Variants in SYCP2L observed in about 807,000 individuals in gnomAD.
SYCP2L encodes synaptonemal complex protein 2-like.
A neutral mutation model predicts 125.8 loss-of-function variants in SYCP2L; 98 were observed. The observed-to-expected ratio is 0.78, with a 90% CI of 0.66 to 0.92. The LOEUF is 0.92. Ranked by LOEUF, SYCP2L falls within the 40% of genes least tolerant of loss-of-function variation. SYCP2L has a pLI of 0.00. For synonymous variants in SYCP2L, 317 were observed against 325.4 expected, an observed-to-expected ratio of 0.97 and a Z score of 0.28; for missense variants, 842 against 936.4, an observed-to-expected ratio of 0.90 and a Z score of 1.32.
chr6:10,917,630 C>A (rs1780714519), intron 14 of SYCP2L, among the ~76,000 whole-genome samples: 1 of 152,158 alleles, frequency 6.6e-6, no homozygotes. Context: ...AGCATTTAGG[C>A]CATTTACATT....
In SYCP2L at chr6:10,924,274, T is replaced by G. The variant is rs149999231; in HGVS notation, c.1073-222T>G. On this transcript the variant is annotated intron_variant, in intron 14 of 29. Transcript: ENST00000283141. ...GCTAAGGTAAGTTACTTCCAATGTT[T>G]GCAAGATCAACCACTTAATTGTGTT... Among the ~76,000 whole-genome samples the G allele has an allele frequency of 2.6e-5, 4 of 152,386 alleles. No homozygotes were observed. The East Asian group carries it at 7.7e-4, about 29-fold the overall frequency.
At chr6:10,890,171 C>T (rs1049669325) in intron 1 of SYCP2L, among the ~76,000 whole-genome samples, 2 of 152,168 alleles carry the variant, frequency 1.3e-5, no homozygotes, top group Non-Finnish European at 2.9e-5. Context: ...CTGCAGTAAA[C>T]ATGGGAGTGC....
intron 14 of SYCP2L, among the ~76,000 whole-genome samples, chr6:10,916,419 T>C (rs943201146): frequency 2.0e-5 from 3 of 152,202 alleles, no homozygotes; most frequent in Admixed American, 6.5e-5. Flanking sequence ...AGATTGTCTG[T>C]TTGTGCTCTT....
chr6:10,938,518 G>A (rs570539942), intron 21 of SYCP2L, among the ~76,000 whole-genome samples: 1 of 152,252 alleles, frequency 6.6e-6, no homozygotes, highest in African/African-American at 2.4e-5. Flanking sequence ...GTCTACTCTT[G>A]CCACTTCTGT....
chr6:10,944,654 T>C (rs1056733112), intron 23 of SYCP2L, among the ~76,000 whole-genome samples: 17 of 152,202 alleles, frequency 1.1e-4, no homozygotes, highest in Middle Eastern at 3.4e-3. Flanking sequence ...CTGCTTTAGG[T>C]GAATCCCACA....
chr6:10,930,056 T>C (rs1447083588), intron 18 of SYCP2L: 1 of 175,654 alleles, frequency 5.7e-6, no homozygotes, highest in East Asian at 1.4e-4. Context: ...CCATCTGACT[T>C]AGTATTTTCA....
At position 10,942,530 on chromosome 6, in the gene SYCP2L, G is replaced by A; in HGVS notation, c.1884+1G>A. 1.2e-6 allele frequency: 2 copies of A among 1,602,392 alleles called. No homozygotes were observed. The highest frequency in any genetic ancestry group is 1.7e-6 in the Non-Finnish European group (2 of 1,175,016). The stretch of plus-strand genomic sequence containing the variant: ...CTCAGAAGATGAAGAAAAACCTAAG[G>A]TACTATTTAATTGTTGGTTATTCAT... On this transcript the variant is annotated splice_donor_variant, in intron 22 of 29. Coordinates refer to ENST00000283141, the MANE Select transcript of SYCP2L (RefSeq NM_001040274.3). LOFTEE classifies it high-confidence loss of function.
At chr6:10,926,868 C>T (rs989777572) in intron 16 of SYCP2L, among the ~76,000 whole-genome samples, 1 of 151,924 alleles carries the variant, frequency 6.6e-6, no homozygotes, top group Non-Finnish European at 1.5e-5. Flanking sequence ...CAACCTCTGC[C>T]TCCTAGGTTT....
chr6:10,892,728 G>C (rs557330515), intron 2 of SYCP2L, among the ~76,000 whole-genome samples: 1 of 152,114 alleles, frequency 6.6e-6, no homozygotes, highest in South Asian at 2.1e-4. Context: ...CCGTGGTAAG[G>C]ATTAAATAAT....
chr6:10,939,917 A>G (rs755863109), intron 21 of SYCP2L, among the ~76,000 whole-genome samples: 1 of 151,376 alleles, frequency 6.6e-6, no homozygotes, highest in Non-Finnish European at 1.5e-5. Context: ...AACCTAAAGA[A>G]TGGGAGAAAA....
At chr6:10,905,930 T>C in intron 8 of SYCP2L, 90 bp from the exon 9 acceptor site, 1 of 803,672 alleles carries the variant, frequency 1.2e-6, no homozygotes, top group Non-Finnish European at 2.0e-6. Flanking sequence ...CAGAAACATA[T>C]ACTTTGGTTT....
chr6:10,963,437 T>C (rs1333781719), intron 28 of SYCP2L: 1 of 279,408 alleles, frequency 3.6e-6, no homozygotes, highest in Non-Finnish European at 6.9e-6. Context: ...ATGTCAGTGA[T>C]GGCGTATGTG....
chr6:10,906,320 C>T (rs1032878830), intron 9 of SYCP2L, among the ~76,000 whole-genome samples: 8 of 151,222 alleles, frequency 5.3e-5, no homozygotes, highest in Admixed American at 5.3e-4. Context: ...AAAAAAAAAA[C>T]AGTGTCATGG....
At chr6:10,893,475 T>G (rs1257111749) in intron 2 of SYCP2L, among the ~76,000 whole-genome samples, 1 of 152,228 alleles carries the variant, frequency 6.6e-6, no homozygotes, top group Non-Finnish European at 1.5e-5. Context: ...AAATTTTTAG[T>G]GTTTTAGAAT....
At chr6:10,913,044 G>A (rs1417702546) in intron 14 of SYCP2L, 117 bp downstream of exon 14, 5 of 936,850 alleles carry the variant, frequency 5.3e-6, no homozygotes, top group African/African-American at 4.9e-5. Flanking sequence ...AGGTAGGAAG[G>A]CTGTATGGTA....
Position 10,919,596 on chromosome 6 carries a change from A to G in SYCP2L, c.1073-4900A>G, listed in dbSNP as rs1780753713. ...ATTTCCAGAGAGCATCAGCTATGGT[A>G]GTGTAGGGAGGAACAGGCGGTGGGT... is the stretch of plus-strand genomic sequence containing the variant. On this transcript the variant is annotated intron_variant, in intron 14 of 29. Coordinates refer to ENST00000283141, the MANE Select transcript of SYCP2L (RefSeq NM_001040274.3). Among the ~76,000 whole-genome samples, 4 of 152,114 alleles carry G rather than the reference A, an allele frequency of 2.6e-5. No homozygotes were observed. In the South Asian group the frequency reaches 8.3e-4, roughly 31 times the overall value.
intron 2 of SYCP2L, among the ~76,000 whole-genome samples, chr6:10,893,147 C>T (rs1039418680): frequency 2.7e-5 from 4 of 146,088 alleles, no homozygotes; most frequent in Non-Finnish European, 4.6e-5. Flanking sequence ...TACAGGCATG[C>T]GCCACCACGT....
chr6:10,927,042 A>G (rs1214514061), intron 16 of SYCP2L, among the ~76,000 whole-genome samples, 198 bp from the exon 17 acceptor site: 1 of 152,096 alleles, frequency 6.6e-6, no homozygotes, highest in African/African-American at 2.4e-5. Context: ...TGGCCTCCCA[A>G]AGTCCTGGGA....
chr6:10,949,123 A>G (rs908666792), intron 23 of SYCP2L, among the ~76,000 whole-genome samples: 1 of 151,610 alleles, frequency 6.6e-6, no homozygotes, highest in African/African-American at 2.4e-5. Context: ...TTTTATTTCT[A>G]TTGTTTTCTC....
Sources: allele counts gnomAD v4.1 joint callset (sites outside exome capture counted in the v4.1 genomes callset), GRCh38; gene constraint gnomAD v4.1.1; transcripts MANE v1.5; gene names NCBI Gene and HGNC (gene_info 2026-07-23, HGNC 2026-07-21).